Variants in EPHA6 observed in about 807,000 individuals in gnomAD.
EPHA6 encodes EPH receptor A6, also known as ephrin type-A receptor 6.
Under a neutral mutation model 112.0 loss-of-function variants are expected in EPHA6, and 50 were observed. That is an observed-to-expected ratio of 0.45 (90% CI 0.36 to 0.56). The LOEUF is 0.56. Among genes scored for constraint, EPHA6 ranks in the 20% least tolerant of loss-of-function variants. EPHA6 has a pLI of 0.00. For synonymous variants in EPHA6, 529 were observed against 490.7 expected (o/e 1.08, Z -1.03); for missense variants, 1,280 against 1,417.4 (o/e 0.90, Z 1.56).
chr3:96,916,012 GTTTTAAATA>G (rs1434618536), intron 2 of EPHA6, among the ~76,000 whole-genome samples: 1 of 151,998 alleles, frequency 6.6e-6, no homozygotes, highest in African/African-American at 2.4e-5. Flanking sequence ...TTTCAATATG[GTTTTAAATA>G]TATATCATCC....
chr3:97,056,424 C>T (rs1171345191), intron 3 of EPHA6, among the ~76,000 whole-genome samples: 1 of 152,090 alleles, frequency 6.6e-6, no homozygotes, highest in Non-Finnish European at 1.5e-5. Context: ...TATCAGCATC[C>T]CATAATAGGT....
At chr3:97,336,764 T>A (rs2083075702) in intron 5 of EPHA6, among the ~76,000 whole-genome samples, 1 of 152,082 alleles carries the variant, frequency 6.6e-6, no homozygotes, top group Admixed American at 6.6e-5. Flanking sequence ...GTCTCAGAGA[T>A]CTCTTACTAC....
chr3:97,448,827 C>A, intron 7 of EPHA6, 97 bp downstream of exon 7: 1 of 1,136,376 alleles, frequency 8.8e-7, no homozygotes, highest in Non-Finnish European at 1.3e-6. Flanking sequence ...TTTTTAATAG[C>A]TTGTTTAAAT....
At chr3:97,554,882 G>T (rs2093081072) in intron 11 of EPHA6, among the ~76,000 whole-genome samples, 2 of 151,738 alleles carry the variant, frequency 1.3e-5, no homozygotes, top group South Asian at 4.1e-4. Context: ...TACCAGGGCT[G>T]CCCAATTCCA....
intron 10 of EPHA6, among the ~76,000 whole-genome samples, chr3:97,503,882 A>G (rs936678396): frequency 2.0e-5 from 3 of 152,146 alleles, no homozygotes; most frequent in East Asian, 1.9e-4. Flanking sequence ...CTGCTTTTTT[A>G]TAACAATTGG....
chr3:97,156,904 T>C lies in EPHA6; in HGVS notation c.1115-69360T>C, dbSNP rs548514004. On this transcript the variant is annotated intron_variant, in intron 3 of 17. Transcript: ENST00000389672. ...TTTTTGGTTAAAGGTGAAGAATTTA[T>C]ATTAAATGAAAAAATTAGTAATTGA... Among the ~76,000 whole-genome samples, 15 of 152,140 alleles carry C rather than the reference T, an allele frequency of 9.9e-5. No individual in the cohort carries two copies. In the East Asian group the frequency reaches 2.3e-3, roughly 24 times the overall value.
intron 3 of EPHA6, among the ~76,000 whole-genome samples, chr3:97,197,347 T>C (rs993356971): frequency 6.6e-6 from 1 of 151,954 alleles, no homozygotes; most frequent in Non-Finnish European, 1.5e-5. Flanking sequence ...CTGGCTACCA[T>C]TGATGTTTAC....
At chr3:97,529,482 TTATGTACTAACCAGTATATA>T (rs1040743815) in intron 10 of EPHA6, among the ~76,000 whole-genome samples, 2 of 152,088 alleles carry the variant, frequency 1.3e-5, no homozygotes. Context: ...GATGAGTTAA[TTATGTACTAACCAGTATATA>T]TAAATGTTCA....
At chr3:96,897,062 CTA>C (rs2038311503) in intron 2 of EPHA6, among the ~76,000 whole-genome samples, 1 of 147,820 alleles carries the variant, frequency 6.8e-6, no homozygotes, top group Admixed American at 6.9e-5. Context: ...GTTAAGGACT[CTA>C]TACATGCTAA....
At chr3:97,133,035 A>C (rs116305343) in intron 3 of EPHA6, among the ~76,000 whole-genome samples, 1 of 152,206 alleles carries the variant, frequency 6.6e-6, no homozygotes, top group Non-Finnish European at 1.5e-5. Context: ...AAGAATTTTA[A>C]ATGAGTCCAT....
intron 3 of EPHA6, among the ~76,000 whole-genome samples, chr3:97,017,112 A>G (rs530056566): frequency 1.3e-5 from 2 of 152,282 alleles, no homozygotes; most frequent in South Asian, 4.1e-4. Flanking sequence ...ACAACTATCT[A>G]CCCAAAATAA....
At chr3:97,326,530 C>A (rs1421124477) in intron 5 of EPHA6, among the ~76,000 whole-genome samples, 1 of 151,840 alleles carries the variant, frequency 6.6e-6, no homozygotes, top group East Asian at 1.9e-4. Flanking sequence ...ATTTAACTAC[C>A]CATAGTCCAT....
chr3:96,883,834 AT>A (rs1233870184), intron 2 of EPHA6, among the ~76,000 whole-genome samples: 5 of 151,738 alleles, frequency 3.3e-5, no homozygotes, highest in African/African-American at 1.2e-4. Context: ...CACCTGGCTA[AT>A]TTTTTTGTAT....
At chr3:97,427,826 C>A (rs1216468042) in intron 6 of EPHA6, among the ~76,000 whole-genome samples, 1 of 151,360 alleles carries the variant, frequency 6.6e-6, no homozygotes, top group Non-Finnish European at 1.5e-5. Context: ...GAGGAGAAAA[C>A]CAAATACTGC....
intron 3 of EPHA6, among the ~76,000 whole-genome samples, chr3:97,177,072 A>T (rs747178669): frequency 4.0e-5 from 6 of 151,302 alleles, no homozygotes; most frequent in Non-Finnish European, 7.4e-5. Context: ...TAGGTATTTT[A>T]TGTTTCCATT....
chr3:97,559,758 A>C (rs972529976), intron 11 of EPHA6: 1 of 382,884 alleles, frequency 2.6e-6, no homozygotes, highest in African/African-American at 2.1e-5. Flanking sequence ...CAAATCCATT[A>C]ATGCACCCTA....
At chr3:97,567,633 A>G (rs1340282121) in intron 11 of EPHA6, among the ~76,000 whole-genome samples, 1 of 152,212 alleles carries the variant, frequency 6.6e-6, no homozygotes, top group Non-Finnish European at 1.5e-5. Flanking sequence ...AGAGAGACAC[A>G]TATGGAGGAG....
intron 14 of EPHA6, among the ~76,000 whole-genome samples, chr3:97,640,829 G>C (rs1307592959): frequency 1.3e-5 from 2 of 151,886 alleles, no homozygotes; most frequent in Non-Finnish European, 2.9e-5. Context: ...AAAGGAAGGA[G>C]AGTTTGAAGG....
chr3:96,994,358 A>G (rs1480094863), intron 3 of EPHA6: 2 of 223,356 alleles, frequency 9.0e-6, no homozygotes, highest in African/African-American at 4.5e-5. Context: ...CAGATTTAAC[A>G]TTGTTTTAAT....
Sources: gnomAD v4.1 joint callset for allele counts (sites outside exome capture counted in the v4.1 genomes callset) on GRCh38, gnomAD v4.1.1 for gene constraint, MANE v1.5 for transcripts, NCBI Gene and HGNC (gene_info 2026-07-23, HGNC 2026-07-21) for gene names.